The following PDE4B variants were observed in gnomAD, a reference collection of about 807,000 sequenced individuals.
PDE4B encodes phosphodiesterase 4B, also known as 3',5'-cyclic-AMP phosphodiesterase 4B.
In PDE4B, 20 loss-of-function variants were observed where a neutral mutation model predicts 82.2. The ratio of observed to expected loss-of-function variants is 0.24; its 90% CI spans 0.17 to 0.35. The LOEUF (loss-of-function observed/expected upper bound fraction) is 0.35, where lower values mean the gene tolerates loss of function less well. PDE4B is among the 10% of genes least tolerant of loss of function. The pLI is 1.00. For synonymous variants in PDE4B, 320 were observed against 318.9 expected (o/e 1.00, Z -0.04); for missense variants, 655 against 907.2 (o/e 0.72, Z 3.57).
chr1:65,824,013 A>G (rs572831288), intron 1 of PDE4B, among the ~76,000 whole-genome samples: 10 of 152,318 alleles, frequency 6.6e-5, no homozygotes, highest in Admixed American at 2.0e-4. Flanking sequence ...TGTCTTTGCC[A>G]GGTAGCAAAT....
chr1:66,009,048 G>A (rs77148668), intron 3 of PDE4B, among the ~76,000 whole-genome samples: 1,529 of 152,120 alleles, frequency 0.01, 19 homozygotes, highest in African/African-American at 0.035. Context: ...CTTCTTGACA[G>A]CCAAAACTTA....
rs1393704177 is a variant in PDE4B, at chr1:66,363,515, C to T, written c.1228C>T (p.His410Tyr). 6.2e-7 allele frequency: 1 copy of T among 1,613,572 alleles called. No homozygotes were observed. The highest frequency in any genetic ancestry group is 8.5e-7 in the Non-Finnish European group (1 of 1,179,746). Reference sequence around the variant, plus strand: ...TGACGTGGCATATCACAACAGCCTGCACGCTGCTGATGTAGCCCAGTCGAC... The same window carrying T: ...TGACGTGGCATATCACAACAGCCTGTACGCTGCTGATGTAGCCCAGTCGAC... The part of the protein sequence containing the change: ...HSDVAYHNSL[H>Y]AADVAQSTHV... Residue 410 changes from histidine to tyrosine, a missense_variant, in exon 12 of 17, where the codon CAC becomes TAC. Transcript: ENST00000341517.
intron 1 of PDE4B, among the ~76,000 whole-genome samples, chr1:65,854,467 A>C (rs1031713470): frequency 1.8e-4 from 27 of 150,308 alleles, no homozygotes; most frequent in Non-Finnish European, 3.6e-4. Flanking sequence ...TTTTTTCTGA[A>C]TGTGTTTATT....
intron 8 of PDE4B, among the ~76,000 whole-genome samples, chr1:66,352,997 T>C (rs1228202634): frequency 6.6e-6 from 1 of 152,256 alleles, no homozygotes; most frequent in Non-Finnish European, 1.5e-5. Context: ...TAAAGTTCAC[T>C]TCTTTGCCAA....
At chr1:65,856,499 A>G (rs559547219) in intron 1 of PDE4B, among the ~76,000 whole-genome samples, 3 of 152,276 alleles carry the variant, frequency 2.0e-5, no homozygotes, top group Admixed American at 2.0e-4. Flanking sequence ...TGTCCCTTCA[A>G]AGGACATGAA....
At chr1:66,248,495 T>C (rs1557658696) in intron 4 of PDE4B, among the ~76,000 whole-genome samples, 1 of 152,192 alleles carries the variant, frequency 6.6e-6, no homozygotes. Flanking sequence ...AAGGGGGAAT[T>C]TTGAAGCTAC....
chr1:66,163,600 GT>G (rs149243170), intron 3 of PDE4B, among the ~76,000 whole-genome samples: 4,123 of 152,042 alleles, frequency 0.027, 197 homozygotes, highest in African/African-American at 0.093. Context: ...ATTTTCAAAT[GT>G]TTTAGTCCAT....
chr1:66,361,857 AC>A (rs1662802784), intron 10 of PDE4B, 64 bp downstream of exon 10: 1 of 1,291,506 alleles, frequency 7.7e-7, no homozygotes, highest in African/African-American at 1.5e-5. Context: ...ATGACCGTAT[AC>A]CTTTTAGAAA....
intron 3 of PDE4B, among the ~76,000 whole-genome samples, chr1:65,974,277 T>A (rs1272582298): frequency 6.6e-6 from 1 of 152,220 alleles, no homozygotes; most frequent in East Asian, 1.9e-4. Context: ...ATGTGATCAA[T>A]GACAATAAAT....
intron 3 of PDE4B, among the ~76,000 whole-genome samples, chr1:66,006,359 C>T (rs571416234): frequency 2.2e-3 from 330 of 152,238 alleles, no homozygotes; most frequent in Non-Finnish European, 4.1e-3. Flanking sequence ...ACATGAGGCA[C>T]CATGCCATCA....
chr1:66,201,648 A>G lies in PDE4B; in HGVS notation c.282-45812A>G, dbSNP rs1415888489. On this transcript the variant is annotated intron_variant, in intron 3 of 16. Coordinates refer to ENST00000341517, the MANE Select transcript of PDE4B (RefSeq NM_002600.4). ...TTATTTGCGTAGAGGTGTTTGTAGT[A>G]TTCTCTGATGGTAGTTGGTATTTCT... 3.3e-5 allele frequency among the ~76,000 whole-genome samples: 5 copies of G among 151,376 alleles called. No homozygotes were observed. The East Asian group carries it at 9.7e-4, about 29-fold the overall frequency.
intron 1 of PDE4B, among the ~76,000 whole-genome samples, chr1:65,907,900 A>T (rs1557810528): frequency 6.6e-6 from 1 of 152,192 alleles, no homozygotes; most frequent in African/African-American, 2.4e-5. Context: ...ACTAAAAGCC[A>T]TCAAACTATT....
At chr1:66,328,052 G>C (rs1270743064) in intron 7 of PDE4B, among the ~76,000 whole-genome samples, 1 of 152,226 alleles carries the variant, frequency 6.6e-6, no homozygotes, top group East Asian at 1.9e-4. Context: ...ATCACACAAA[G>C]ATGTTGCAAA....
chr1:65,978,385 A>G (rs1406460741), intron 3 of PDE4B, among the ~76,000 whole-genome samples: 1 of 151,910 alleles, frequency 6.6e-6, no homozygotes, highest in Non-Finnish European at 1.5e-5. Context: ...GCCCTGAAGA[A>G]TACTTGGTCC....
chr1:65,996,434 C>A (rs1046982457), intron 3 of PDE4B, among the ~76,000 whole-genome samples: 2 of 151,878 alleles, frequency 1.3e-5, no homozygotes, highest in African/African-American at 4.8e-5. Flanking sequence ...CTGGTGCCAG[C>A]GTTTTCTTTT....
At position 66,363,544 on chromosome 1, in the gene PDE4B, T is replaced by C. The variant is rs202021123; in HGVS notation, c.1257T>C (p.His419=). Residue 419 remains histidine, a synonymous_variant, in exon 12 of 17, where the codon CAT becomes CAC. Coordinates refer to ENST00000341517, the MANE Select transcript of PDE4B (RefSeq NM_002600.4). ...LHAADVAQST[H]VLLSTPALDA... Reference sequence around the variant, plus strand: ...CTGCTGATGTAGCCCAGTCGACCCATGTTCTCCTTTCTACACCAGCATTAG... The same window carrying C: ...CTGCTGATGTAGCCCAGTCGACCCACGTTCTCCTTTCTACACCAGCATTAG... 634 of 1,613,092 alleles carry C rather than the reference T, an allele frequency of 3.9e-4. 1 individual carries two copies. The highest frequency in any genetic ancestry group is 5.0e-4 in the Non-Finnish European group (587 of 1,179,586).
chr1:66,212,979 A>G (rs559204645), intron 3 of PDE4B, among the ~76,000 whole-genome samples: 3 of 152,322 alleles, frequency 2.0e-5, no homozygotes, highest in Admixed American at 6.5e-5. Flanking sequence ...TCCAAAGTCT[A>G]TGGAGGTCCA....
chr1:65,966,891 A>T (rs1374724062), intron 3 of PDE4B, among the ~76,000 whole-genome samples: 2 of 152,224 alleles, frequency 1.3e-5, no homozygotes, highest in African/African-American at 2.4e-5. Context: ...TTAACTCAAG[A>T]TGGATTAAAG....
chr1:66,288,269 T>C (rs1338135256), intron 7 of PDE4B, among the ~76,000 whole-genome samples: 1 of 152,042 alleles, frequency 6.6e-6, no homozygotes, highest in Non-Finnish European at 1.5e-5. Context: ...AATCACTCAC[T>C]ACCGCAAACA....
Sources: allele counts gnomAD v4.1 joint callset (sites outside exome capture counted in the v4.1 genomes callset), GRCh38; gene constraint gnomAD v4.1.1; transcripts MANE v1.5; gene names NCBI Gene and HGNC (gene_info 2026-07-23, HGNC 2026-07-21).